The following ELMO1 variants were observed in gnomAD, a reference collection of about 807,000 sequenced individuals.
ELMO1 encodes the protein engulfment and cell motility protein 1.
A neutral mutation model predicts 98.9 loss-of-function variants in ELMO1; 26 were observed. The ratio of observed to expected loss-of-function variants is 0.26; its 90% confidence interval spans 0.19 to 0.36. The LOEUF is 0.36. Ranked by LOEUF, ELMO1 falls within the 10% of genes least tolerant of loss-of-function variation. ELMO1 has a pLI of 1.00. For missense variants in ELMO1, 627 were observed against 935.2 expected (o/e 0.67, Z 4.30); for synonymous variants, 346 against 346.0 (o/e 1.00, Z 0.00).
chr7:37,439,223 A>G (rs1805293959), intron 1 of ELMO1, among the ~76,000 whole-genome samples: 1 of 152,126 alleles, frequency 6.6e-6, no homozygotes, highest in African/African-American at 2.4e-5. Flanking sequence ...CCTTGCCTAA[A>G]AGCCTTTGGC....
At chr7:37,137,739 G>T (rs900421977) in intron 13 of ELMO1, among the ~76,000 whole-genome samples, 3 of 152,054 alleles carry the variant, frequency 2.0e-5, no homozygotes, top group Admixed American at 1.3e-4. Context: ...GTTTTGCCAC[G>T]TTGACCAGGC....
intron 13 of ELMO1, among the ~76,000 whole-genome samples, chr7:37,175,824 G>A (rs752483568): frequency 6.6e-6 from 1 of 152,174 alleles, no homozygotes; most frequent in Non-Finnish European, 1.5e-5. Context: ...TCCAGCCTGG[G>A]CGACAGAGTG....
chr7:37,172,047 A>C (rs1405756229), intron 13 of ELMO1, among the ~76,000 whole-genome samples: 2 of 152,242 alleles, frequency 1.3e-5, no homozygotes, highest in Non-Finnish European at 2.9e-5. Context: ...CATTTAAAAG[A>C]TACAAGCTGG....
At chr7:36,912,499 G>A (rs771575774) in intron 16 of ELMO1, among the ~76,000 whole-genome samples, 3 of 152,028 alleles carry the variant, frequency 2.0e-5, no homozygotes, top group African/African-American at 4.8e-5. Context: ...AAATCCAAAC[G>A]GATTTATTTT....
chr7:37,090,871 T>G (rs546100573), intron 15 of ELMO1, among the ~76,000 whole-genome samples: 2 of 152,330 alleles, frequency 1.3e-5, no homozygotes, highest in South Asian at 4.1e-4. Context: ...GTGAGCTGCC[T>G]GAGGATGGAG....
At chr7:37,059,943 T>C (rs1409565306) in intron 15 of ELMO1, among the ~76,000 whole-genome samples, 2 of 152,216 alleles carry the variant, frequency 1.3e-5, no homozygotes, top group African/African-American at 4.8e-5. Context: ...ATATCACTTT[T>C]AGAGTTTTCT....
At chr7:36,931,710 C>G (rs748814315) in intron 16 of ELMO1, among the ~76,000 whole-genome samples, 9 of 152,228 alleles carry the variant, frequency 5.9e-5, no homozygotes, top group Non-Finnish European at 1.2e-4. Flanking sequence ...CAGTGGCACA[C>G]CCAGCACATG....
At chr7:36,866,978 T>C (rs1803080329) in intron 20 of ELMO1, among the ~76,000 whole-genome samples, 1 of 152,164 alleles carries the variant, frequency 6.6e-6, no homozygotes, top group Admixed American at 6.5e-5. Flanking sequence ...ACATGGTATA[T>C]ATGAACACTA....
chr7:36,924,686 G>C (rs555691398), intron 16 of ELMO1, among the ~76,000 whole-genome samples: 14 of 152,230 alleles, frequency 9.2e-5, no homozygotes, highest in East Asian at 1.9e-4. Context: ...TACGTTATAG[G>C]GGGGAGGAAG....
intron 16 of ELMO1, among the ~76,000 whole-genome samples, chr7:36,999,976 T>C (rs762284655): frequency 2.6e-5 from 4 of 152,186 alleles, no homozygotes; most frequent in Non-Finnish European, 5.9e-5. Context: ...ACAGCCTTTT[T>C]TTTCTGGTAC....
chr7:37,205,036 A>G (rs1792534038), intron 13 of ELMO1, among the ~76,000 whole-genome samples: 1 of 152,218 alleles, frequency 6.6e-6, no homozygotes, highest in African/African-American at 2.4e-5. Flanking sequence ...CTTTAGCTAG[A>G]CACACAATTC....
chr7:37,334,003 T>A (rs1800262624), intron 2 of ELMO1, among the ~76,000 whole-genome samples: 1 of 151,756 alleles, frequency 6.6e-6, no homozygotes, highest in Non-Finnish European at 1.5e-5. Context: ...GCAGGGAGAG[T>A]GATAAATTTC....
At chr7:37,100,485 C>T (rs946651486) in intron 14 of ELMO1, among the ~76,000 whole-genome samples, 3 of 152,194 alleles carry the variant, frequency 2.0e-5, no homozygotes, top group African/African-American at 7.2e-5. Context: ...TGAATCCCTT[C>T]TCTGGCTCTC....
chr7:36,976,617 T>G (rs1178619374), intron 16 of ELMO1, among the ~76,000 whole-genome samples: 1 of 152,212 alleles, frequency 6.6e-6, no homozygotes, highest in Non-Finnish European at 1.5e-5. Context: ...TTTGTTTGGC[T>G]CTCAGAGAAG....
At chr7:37,135,258 G>C (rs1376223744) in intron 13 of ELMO1, among the ~76,000 whole-genome samples, 1 of 152,192 alleles carries the variant, frequency 6.6e-6, no homozygotes, top group Admixed American at 6.5e-5. Flanking sequence ...ATGGTGGATA[G>C]GAGGAAGGAC....
At chr7:37,185,079 C>A (rs945349347) in intron 13 of ELMO1, among the ~76,000 whole-genome samples, 5 of 152,200 alleles carry the variant, frequency 3.3e-5, no homozygotes, top group Non-Finnish European at 7.3e-5. Flanking sequence ...CATTTCCTCT[C>A]TCATCACGTC....
intron 1 of ELMO1, among the ~76,000 whole-genome samples, chr7:37,440,316 C>A (rs1805351520): frequency 6.6e-6 from 1 of 151,972 alleles, no homozygotes; most frequent in South Asian, 2.1e-4. Context: ...ATGGCAGGCA[C>A]CTGTAGTCCC....
chr7:36,883,876 G>A (rs184611941), intron 18 of ELMO1, among the ~76,000 whole-genome samples: 38 of 152,326 alleles, frequency 2.5e-4, no homozygotes, highest in Admixed American at 4.6e-4. Context: ...CTCTCCTGCA[G>A]GAGTCCAGGG....
chr7:37,083,833 G>T (rs1228583007), intron 15 of ELMO1, among the ~76,000 whole-genome samples: 3 of 152,198 alleles, frequency 2.0e-5, no homozygotes, highest in Non-Finnish European at 4.4e-5. Context: ...CTGGTGGATA[G>T]GAGCACCTGC....
Sources: allele counts gnomAD v4.1 joint callset (sites outside exome capture counted in the v4.1 genomes callset), GRCh38; gene constraint gnomAD v4.1.1; transcripts MANE v1.5; gene names NCBI Gene and HGNC (gene_info 2026-07-23, HGNC 2026-07-21).